The following PABIR3 variants were observed in gnomAD, a reference collection of about 807,000 sequenced individuals.
The protein encoded by PABIR3 is PABIR family member 1.
In PABIR3, 20 loss-of-function variants were observed where a neutral mutation model predicts 23.1. The ratio of observed to expected loss-of-function variants is 0.86; its 90% CI spans 0.61 to 1.26. PABIR3 has a LOEUF of 1.26. Among genes scored for constraint, PABIR3 ranks in the 50% most tolerant of loss-of-function variants. PABIR3 has a pLI of 0.00. For missense variants in PABIR3, 189 were observed against 195.4 expected (o/e 0.97, Z 0.20); for synonymous variants, 69 against 68.5 (o/e 1.01, Z -0.04).
chrX:134,841,189 G>A (rs762109764), intron 4 of PABIR3, among the ~76,000 whole-genome samples: 14 of 109,506 alleles, frequency 1.3e-4, no homozygotes, highest in African/African-American at 4.6e-4. Flanking sequence ...TCTCGAACTC[G>A]TGAGCTCAAG....
chrX:134,863,977 T>A, the PABIR3 span, among the ~76,000 whole-genome samples: 6 of 112,349 alleles, frequency 5.3e-5, no homozygotes, highest in African/African-American at 1.9e-4. Flanking sequence ...TATTTCATGC[T>A]TGCTAAGCAG....
intron 4 of PABIR3, among the ~76,000 whole-genome samples, chrX:134,839,862 A>G (rs1409153747): frequency 9.0e-6 from 1 of 110,918 alleles, no homozygotes; most frequent in African/African-American, 3.3e-5. Context: ...TGGGAGGTGT[A>G]CCCAACAGCT....
At chrX:134,831,515 T>C (rs1266297291) in intron 4 of PABIR3, 2 of 111,854 alleles carry the variant, frequency 1.8e-5, no homozygotes, top group African/African-American at 6.5e-5. Context: ...AGGGCATTGA[T>C]TTTTCAAAAT....
At chrX:134,800,635 C>T (rs989227960) in intron 1 of PABIR3, among the ~76,000 whole-genome samples, 1 of 110,089 alleles carries the variant, frequency 9.1e-6, no homozygotes, top group African/African-American at 3.3e-5. Context: ...ACTAAAAATA[C>T]AAAACTTAGC....
chrX:134,808,103 A>G (rs767406100), intron 2 of PABIR3: 4 of 296,421 alleles, frequency 1.3e-5, no homozygotes, highest in Admixed American at 6.1e-5. Context: ...TTGTCATTTC[A>G]GCTGCTTTGT....
At chrX:134,803,081 G>T (rs1027766552), upstream of PABIR3, among the ~76,000 whole-genome samples, 1 of 112,555 alleles carries the variant, frequency 8.9e-6, no homozygotes, top group African/African-American at 3.2e-5. Context: ...GGCGCAGGTG[G>T]TAAAGGAATT....
At chrX:134,806,441 A>AC (rs1292594302), upstream of PABIR3, among the ~76,000 whole-genome samples, 1 of 110,390 alleles carries the variant, frequency 9.1e-6, no homozygotes, top group Non-Finnish European at 1.9e-5. Flanking sequence ...ACATGGTGAA[A>AC]CCCCGTCTCT....
At chrX:134,830,140 G>T (rs1015737409) in intron 4 of PABIR3, among the ~76,000 whole-genome samples, 1 of 109,808 alleles carries the variant, frequency 9.1e-6, no homozygotes, top group Non-Finnish European at 1.9e-5. Context: ...CCAGATTACT[G>T]GATTATTTTC....
downstream of PABIR3, among the ~76,000 whole-genome samples, chrX:134,855,236 C>T: frequency 9.1e-6 from 1 of 110,109 alleles, no homozygotes; most frequent in Middle Eastern, 4.7e-3. Context: ...AGATCGAGAC[C>T]ATCCTGGCTA....
At position 134,845,221 on chromosome X, in the gene PABIR3, TAATA is replaced by T. The variant is rs1315749652; in HGVS notation, c.268_271del (p.Asn90GlufsTer15). On this transcript the variant is annotated frameshift_variant, in exon 5 of 11. Coordinates refer to ENST00000645433, the MANE Select transcript of PABIR3 (RefSeq NM_001388447.1). LOFTEE classifies it high-confidence loss of function. The stretch of plus-strand genomic sequence containing the variant: ...CCTTTACAGGAAGAAGCCATGGATT[TAATA>T]AATAGAGAAACAATGTCTGAATGGT... 1.7e-6 allele frequency: 2 copies of T among 1,195,730 alleles called. No individual in the cohort carries two copies. The highest frequency in any genetic ancestry group is 2.3e-6 in the Non-Finnish European group (2 of 885,779).
At chrX:134,812,087 G>A (rs1366854428) in intron 2 of PABIR3, among the ~76,000 whole-genome samples, 3 of 112,393 alleles carry the variant, frequency 2.7e-5, no homozygotes, top group Middle Eastern at 4.2e-3. Context: ...ATTTGATGTG[G>A]AACATTGAAC....
At chrX:134,819,642 T>C (rs761607442) in intron 3 of PABIR3, among the ~76,000 whole-genome samples, 1 of 111,420 alleles carries the variant, frequency 9.0e-6, no homozygotes, top group East Asian at 2.8e-4. Flanking sequence ...CCCAGCACTT[T>C]GGGAGGCCAA....
At chrX:134,826,813 T>G (rs1002630043) in intron 3 of PABIR3, among the ~76,000 whole-genome samples, 10 of 111,999 alleles carry the variant, frequency 8.9e-5, no homozygotes, top group African/African-American at 3.2e-4. Flanking sequence ...ACAAACTGAT[T>G]TTAATACTTT....
intron 3 of PABIR3, chrX:134,822,096 C>T (rs2081320495): frequency 1.3e-6 from 1 of 751,859 alleles, no homozygotes; most frequent in African/African-American, 2.3e-5. Flanking sequence ...TACTCCCAGC[C>T]ACCTTCACAC....
downstream of PABIR3, among the ~76,000 whole-genome samples, chrX:134,858,565 T>C (rs1603252390): frequency 8.9e-6 from 1 of 111,974 alleles, no homozygotes; most frequent in South Asian, 3.7e-4. Context: ...GAAAACTAAT[T>C]ACAATTTGCC....
chrX:134,850,332 C>T (rs60246038), intron 9 of PABIR3, among the ~76,000 whole-genome samples: 3 of 110,781 alleles, frequency 2.7e-5, no homozygotes, highest in East Asian at 5.6e-4. Context: ...TGTATATTTT[C>T]GATTAATTAA....
At chrX:134,823,584 C>T (rs1309265268) in intron 3 of PABIR3, among the ~76,000 whole-genome samples, 2 of 111,202 alleles carry the variant, frequency 1.8e-5, no homozygotes, top group Admixed American at 9.7e-5. Context: ...TATACATACA[C>T]GTATACATAT....
chrX:134,839,660 G>A lies in PABIR3; in HGVS notation c.247-5545G>A, dbSNP rs761591184. On this transcript the variant is annotated intron_variant, in intron 4 of 10. Coordinates refer to ENST00000645433, the MANE Select transcript of PABIR3 (RefSeq NM_001388447.1). Reference sequence around the variant, plus strand: ...TGGGAAGTGAGGAGCCCCTCTGCCCGGCCATCCGCCCCATCCAGGAGGGAG... The same window carrying A: ...TGGGAAGTGAGGAGCCCCTCTGCCCAGCCATCCGCCCCATCCAGGAGGGAG... The A allele has an allele frequency of 1.8e-4, 21 of 114,451 alleles. No individual in the cohort carries two copies. The East Asian group carries it at 2.3e-3, about 13-fold the overall frequency. 9.4% of individuals were successfully genotyped at this position (114,451 alleles called of 1,213,427 possible). A position where few individuals can be genotyped will look rare whatever the true frequency, so the allele number is the denominator to read the frequency against.
At position 134,840,555 on chromosome X, in the gene PABIR3, A is replaced by G. The variant is rs145248371; in HGVS notation, c.247-4650A>G. Among the ~76,000 whole-genome samples, 173 of 110,622 alleles carry G rather than the reference A, an allele frequency of 1.6e-3. No homozygotes were observed. In the East Asian group the frequency reaches 0.026, roughly 17 times the overall value. ...CCTCATCATCCTCATTCTTATCGTC[A>G]TCTTCATATGGATGAAGAAACTGAC... On this transcript the variant is annotated intron_variant, in intron 4 of 10. Transcript: ENST00000645433.
Sources: allele counts gnomAD v4.1 joint callset (sites outside exome capture counted in the v4.1 genomes callset), GRCh38; gene constraint gnomAD v4.1.1; transcripts MANE v1.5; gene names NCBI Gene and HGNC (gene_info 2026-07-23, HGNC 2026-07-21).